RBFOX1: variants seen among roughly 807,000 people sequenced by gnomAD.
RBFOX1 encodes RNA binding fox-1 homolog 1.
Under a neutral mutation model 57.7 loss-of-function variants are expected in RBFOX1, and 8 were observed. The ratio of observed to expected loss-of-function variants is 0.14; its 90% confidence interval spans 0.08 to 0.25. The LOEUF (loss-of-function observed/expected upper bound fraction) is 0.25, where lower values mean the gene tolerates loss of function less well. Ranked by LOEUF, RBFOX1 falls within the 10% of genes least tolerant of loss-of-function variation. The pLI is 1.00. For synonymous variants in RBFOX1, 326 were observed against 222.4 expected (o/e 1.47, Z -4.15); for missense variants, 611 against 548.5 (o/e 1.11, Z -1.14).
intron 3 of RBFOX1, chr16:6,703,762 C>A (rs2062227255): frequency 6.6e-6 from 1 of 152,182 alleles, no homozygotes; most frequent in Admixed American, 6.5e-5. Flanking sequence ...AAGGACAAGA[C>A]CAGCAACTGA....
chr16:5,343,174 A>C (rs2065067905), intron 1 of RBFOX1, among the ~76,000 whole-genome samples: 2 of 152,198 alleles, frequency 1.3e-5, no homozygotes, highest in Admixed American at 1.3e-4. Flanking sequence ...TGGCTACTCA[A>C]GATGGGAGAC....
rs1312854077 is a variant in RBFOX1, at chr16:7,711,513, AATT to A, written c.*772_*774del. 2 of 152,602 alleles carry A rather than the reference AATT, an allele frequency of 1.3e-5. No homozygotes were observed. The highest frequency in any genetic ancestry group is 4.8e-5 in the African/African-American group (2 of 41,434). The allele number at this position is 152,602 out of a possible 1,614,324, so 9.5% of individuals were successfully genotyped here. A position where few individuals can be genotyped will look rare whatever the true frequency, so the allele number is the denominator to read the frequency against. The stretch of plus-strand genomic sequence containing the variant: ...TTTTTATATTTCTTCCAGTATAATA[AATT>A]ATTGATATCACTGCTGACTTTTATA... On this transcript the variant is annotated 3_prime_UTR_variant, in exon 16 of 16. Transcript: ENST00000550418.
At chr16:5,344,078 G>A (rs546368884) in intron 1 of RBFOX1, among the ~76,000 whole-genome samples, 27 of 152,246 alleles carry the variant, frequency 1.8e-4, no homozygotes, top group African/African-American at 5.3e-4. Flanking sequence ...TCCTATTCTC[G>A]TTTTCGGAGA....
chr16:7,504,748 TATATATTTATATATATATATATTTA>T (rs1567554318), intron 4 of RBFOX1, among the ~76,000 whole-genome samples: 6 of 13,426 alleles, frequency 4.5e-4, no homozygotes, highest in East Asian at 2.5e-3. Flanking sequence ...TATATATATA[TATATATTTATATATATATATATTTA>T]TATATATATA....
At chr16:5,585,302 T>C (rs1304566808) in intron 2 of RBFOX1, among the ~76,000 whole-genome samples, 2 of 152,196 alleles carry the variant, frequency 1.3e-5, no homozygotes, top group African/African-American at 4.8e-5. Context: ...TTTAGCATAA[T>C]GTTTTCAATG....
chr16:5,731,450 G>T (rs1011760831), intron 3 of RBFOX1, among the ~76,000 whole-genome samples: 1 of 152,178 alleles, frequency 6.6e-6, no homozygotes, highest in Non-Finnish European at 1.5e-5. Context: ...CTTAGAAGGT[G>T]GGTACTGTTG....
At chr16:5,896,603 T>C (rs898912619) in intron 4 of RBFOX1, among the ~76,000 whole-genome samples, 1 of 152,176 alleles carries the variant, frequency 6.6e-6, no homozygotes, top group African/African-American at 2.4e-5. Flanking sequence ...AAAATGTTTT[T>C]CTTTATACAT....
intron 3 of RBFOX1, among the ~76,000 whole-genome samples, chr16:6,701,123 C>G (rs1002746847): frequency 1.4e-5 from 2 of 140,388 alleles, no homozygotes; most frequent in African/African-American, 2.7e-5. Flanking sequence ...TTATCAGTGT[C>G]TCTGTGTGTG....
At chr16:6,556,997 A>G (rs143145574) in intron 2 of RBFOX1, among the ~76,000 whole-genome samples, 28 of 42,716 alleles carry the variant, frequency 6.6e-4, no homozygotes, top group South Asian at 2.0e-3. Context: ...ATATACATAC[A>G]TATATATACA....
chr16:6,100,845 C>G (rs902711707), intron 1 of RBFOX1, among the ~76,000 whole-genome samples: 1 of 152,144 alleles, frequency 6.6e-6, no homozygotes, highest in South Asian at 2.1e-4. Flanking sequence ...GTTACCATCA[C>G]CCTCTTATAG....
chr16:6,517,290 A>G (rs2096399451), intron 2 of RBFOX1, among the ~76,000 whole-genome samples: 1 of 152,160 alleles, frequency 6.6e-6, no homozygotes, highest in Non-Finnish European at 1.5e-5. Context: ...GCTCTAATCC[A>G]GACATAACTG....
At chr16:6,227,989 C>G (rs1222624773) in intron 1 of RBFOX1, among the ~76,000 whole-genome samples, 1 of 152,116 alleles carries the variant, frequency 6.6e-6, no homozygotes, top group African/African-American at 2.4e-5. Context: ...GTCTGCACTC[C>G]TGTGTTTATT....
intron 2 of RBFOX1, among the ~76,000 whole-genome samples, chr16:6,459,539 T>C (rs1261192352): frequency 6.6e-6 from 1 of 152,180 alleles, no homozygotes; most frequent in Non-Finnish European, 1.5e-5. Context: ...CTGACCTCTA[T>C]ATCTCATCTC....
At position 6,004,853 on chromosome 16, in the gene RBFOX1, T is replaced by C. The variant is rs147683027; in HGVS notation, c.351+137518T>C. On this transcript the variant is annotated intron_variant, in intron 4 of 19. Coordinates refer to the RBFOX1 transcript ENST00000641259. ...CCTTTCTGAGAAACGTATTAGACCT[T>C]AGGTGGAATCCTGAGCTGCTGGTGA... Among the ~76,000 whole-genome samples the C allele has an allele frequency of 5.6e-4, 86 of 152,320 alleles. 1 individual carries two copies. In the East Asian group the frequency reaches 0.014, roughly 25 times the overall value.
intron 4 of RBFOX1, among the ~76,000 whole-genome samples, chr16:7,425,954 G>T (rs1036765334): frequency 7.2e-5 from 11 of 152,184 alleles, no homozygotes; most frequent in African/African-American, 2.2e-4. Context: ...GAAATGTGCT[G>T]TATCCATGAG....
At position 7,176,009 on chromosome 16, in the gene RBFOX1, G is replaced by C. The variant is rs530662334; in HGVS notation, c.27+123911G>C. On this transcript the variant is annotated intron_variant, in intron 4 of 15. Transcript: ENST00000550418. ...GGAGGTGCGTGCTTAGCAGCCATCC[G>C]ATGTGAGTGTCAGTTCATTTTGACA... Among the ~76,000 whole-genome samples the C allele has an allele frequency of 2.6e-5, 4 of 152,078 alleles. No individual in the cohort carries two copies. The East Asian group carries it at 7.9e-4, about 30-fold the overall frequency.
chr16:6,620,714 T>C (rs1181304328), intron 2 of RBFOX1, among the ~76,000 whole-genome samples: 2 of 152,110 alleles, frequency 1.3e-5, no homozygotes, highest in Admixed American at 6.5e-5. Flanking sequence ...CATCACAAGA[T>C]TATGAAACCC....
intron 4 of RBFOX1, among the ~76,000 whole-genome samples, chr16:7,079,046 A>T (rs9937839): frequency 0.58 from 88,324 of 151,164 alleles, 29,182 homozygotes; most frequent in East Asian, 0.9. Flanking sequence ...TTTGGGGGGA[A>T]ACATGGTTCA....
chr16:7,553,633 G>T (rs1364736062), intron 5 of RBFOX1, among the ~76,000 whole-genome samples: 2 of 152,260 alleles, frequency 1.3e-5, no homozygotes, highest in Middle Eastern at 3.4e-3. Context: ...CACTTGAAAG[G>T]TGCACAACTC....
Sources: allele counts gnomAD v4.1 joint callset (sites outside exome capture counted in the v4.1 genomes callset), GRCh38; gene constraint gnomAD v4.1.1; transcripts MANE v1.5; gene names NCBI Gene and HGNC (gene_info 2026-07-23, HGNC 2026-07-21).